Variants in CALCR observed in about 807,000 individuals in gnomAD.
The protein encoded by CALCR is calcitonin receptor.
Under a neutral mutation model 59.5 loss-of-function variants are expected in CALCR, and 47 were observed. The ratio of observed to expected loss-of-function variants is 0.79; its 90% CI spans 0.63 to 1.01. The LOEUF (loss-of-function observed/expected upper bound fraction) is 1.01. CALCR is among the 50% of genes least tolerant of loss of function. CALCR has a pLI of 0.00. For synonymous variants in CALCR, 213 were observed against 211.3 expected (o/e 1.01, Z -0.07); for missense variants, 566 against 597.1 (o/e 0.95, Z 0.54).
chr7:93,498,330 A>C (rs1689991920), intron 2 of CALCR, among the ~76,000 whole-genome samples: 1 of 151,686 alleles, frequency 6.6e-6, no homozygotes, highest in Admixed American at 6.6e-5. Context: ...TGGTCAGGCA[A>C]CATTAATAAA....
chr7:93,428,831 A>G (rs558814853), intron 13 of CALCR, among the ~76,000 whole-genome samples: 30 of 151,932 alleles, frequency 2.0e-4, no homozygotes, highest in African/African-American at 6.8e-4. Context: ...CCACGGATTC[A>G]GCATCTCTTA....
At chr7:93,489,112 A>T (rs911543659) in intron 2 of CALCR, among the ~76,000 whole-genome samples, 3 of 151,968 alleles carry the variant, frequency 2.0e-5, no homozygotes, top group African/African-American at 7.2e-5. Flanking sequence ...TAAAAAACAC[A>T]TTCAAAACCA....
chr7:93,462,198 C>T (rs534901847), intron 7 of CALCR: 127 of 644,532 alleles, frequency 2.0e-4, no homozygotes, highest in South Asian at 9.2e-4. Context: ...TTTCGGGAAG[C>T]GATTATAGTA....
intron 2 of CALCR, among the ~76,000 whole-genome samples, chr7:93,555,105 T>C (rs1467197576): frequency 6.6e-6 from 1 of 151,978 alleles, no homozygotes; most frequent in African/African-American, 2.4e-5. Context: ...CCATCTCCCT[T>C]GGGCTTGAGG....
chr7:93,557,294 A>G (rs566981694), intron 2 of CALCR, among the ~76,000 whole-genome samples: 1 of 151,840 alleles, frequency 6.6e-6, no homozygotes, highest in Admixed American at 6.6e-5. Context: ...TGACAAATTA[A>G]TATTATATAT....
At chr7:93,555,933 T>C (rs1789593518) in intron 2 of CALCR, among the ~76,000 whole-genome samples, 1 of 152,130 alleles carries the variant, frequency 6.6e-6, no homozygotes, top group Non-Finnish European at 1.5e-5. Flanking sequence ...TTTAGAACAA[T>C]AATGAAAAGA....
chr7:93,524,821 T>C (rs1162051058), intron 2 of CALCR, among the ~76,000 whole-genome samples: 1 of 152,186 alleles, frequency 6.6e-6, no homozygotes, highest in Non-Finnish European at 1.5e-5. Flanking sequence ...AAGATACTTA[T>C]CATAAAGCAT....
At chr7:93,454,169 G>T (rs1033983964) in intron 8 of CALCR, among the ~76,000 whole-genome samples, 1 of 151,898 alleles carries the variant, frequency 6.6e-6, no homozygotes, top group African/African-American at 2.4e-5. Flanking sequence ...CCTCCCTTGG[G>T]CTGGGCAGGA....
intron 2 of CALCR, among the ~76,000 whole-genome samples, chr7:93,572,895 G>C (rs113817621): frequency 1.3e-5 from 2 of 152,108 alleles, no homozygotes; most frequent in Non-Finnish European, 2.9e-5. Context: ...AATAAACTTA[G>C]AACATTTTAT....
At chr7:93,543,214 T>C (rs1313997902) in intron 2 of CALCR, among the ~76,000 whole-genome samples, 1 of 152,174 alleles carries the variant, frequency 6.6e-6, no homozygotes, top group Non-Finnish European at 1.5e-5. Context: ...GCACGATCTC[T>C]GTTCAGTGCA....
At chr7:93,541,441 G>A (rs988866607) in intron 2 of CALCR, among the ~76,000 whole-genome samples, 3 of 152,008 alleles carry the variant, frequency 2.0e-5, no homozygotes, top group Non-Finnish European at 4.4e-5. Flanking sequence ...GGGATTACAG[G>A]AGTGACCACC....
chr7:93,435,234 T>A (rs1799746289), intron 12 of CALCR, among the ~76,000 whole-genome samples: 1 of 152,128 alleles, frequency 6.6e-6, no homozygotes, highest in Non-Finnish European at 1.5e-5. Context: ...ATGAATGGAT[T>A]CCTAACATTC....
chr7:93,429,853 T>TA (rs35317327), intron 13 of CALCR, among the ~76,000 whole-genome samples: 11,684 of 139,242 alleles, frequency 0.084, 702 homozygotes, highest in African/African-American at 0.15. Flanking sequence ...AAATCATGAT[T>TA]AAAAAAAAAA....
chr7:93,545,460 T>C (rs1334540772), intron 2 of CALCR, among the ~76,000 whole-genome samples: 1 of 152,080 alleles, frequency 6.6e-6, no homozygotes, highest in Non-Finnish European at 1.5e-5. Context: ...GTCCTCATAT[T>C]AGGATTATGT....
intron 7 of CALCR, chr7:93,461,943 A>G: frequency 1.5e-6 from 1 of 657,154 alleles, no homozygotes; most frequent in Admixed American, 3.1e-5. Flanking sequence ...AAACATGCCA[A>G]TGACTCATAA....
intron 2 of CALCR, among the ~76,000 whole-genome samples, chr7:93,573,598 T>C (rs748558024): frequency 2.0e-5 from 3 of 152,216 alleles, no homozygotes; most frequent in African/African-American, 4.8e-5. Context: ...CTAATCTCAA[T>C]TGTATTGTTG....
At chr7:93,541,114 T>C (rs1249939863) in intron 2 of CALCR, among the ~76,000 whole-genome samples, 1 of 152,150 alleles carries the variant, frequency 6.6e-6, no homozygotes, top group East Asian at 1.9e-4. Context: ...GACATACAAA[T>C]TGGATTATAA....
chr7:93,472,781 C>A lies in CALCR; in HGVS notation c.317-294G>T, dbSNP rs571166739. On this transcript the variant is annotated intron_variant, in intron 5 of 13. Coordinates refer to ENST00000426151, the MANE Select transcript of CALCR (RefSeq NM_001742.4). ...GCTTGAGATTGAACCAGGATTTAGA[C>A]CCAAAGACATGGATATCGGTCAGAC... is the stretch of plus-strand genomic sequence containing the variant. 3.7e-4 allele frequency among the ~76,000 whole-genome samples: 56 copies of A among 151,842 alleles called. No homozygotes were observed. In the South Asian group the frequency reaches 0.011, roughly 31 times the overall value.
Position 93,537,685 on chromosome 7 carries a change from C to G in CALCR, c.-27+36604G>C, listed in dbSNP as rs142503149. Among the ~76,000 whole-genome samples, 374 of 151,734 alleles carry G rather than the reference C, an allele frequency of 2.5e-3. 1 individual carries two copies. The highest frequency in any genetic ancestry group is 4.4e-3 in the Non-Finnish European group (301 of 67,684). On this transcript the variant is annotated intron_variant, in intron 2 of 13. Transcript: ENST00000426151. ...CCATGAAACACATTTTACAAACTTC[C>G]TATCCTTGTTTTGATTATACATGTG...
Sources: gnomAD v4.1 joint callset for allele counts (sites outside exome capture counted in the v4.1 genomes callset) on GRCh38, gnomAD v4.1.1 for gene constraint, MANE v1.5 for transcripts, NCBI Gene and HGNC (gene_info 2026-07-23, HGNC 2026-07-21) for gene names.